TRIQK: variants seen among roughly 807,000 people sequenced by gnomAD.
The protein encoded by TRIQK is triple QxxK/R motif containing.
Under a neutral mutation model 10.8 loss-of-function variants are expected in TRIQK, and 10 were observed. The observed-to-expected ratio is 0.92, with a 90% CI of 0.57 to 1.57. The LOEUF is 1.57. Ranked by LOEUF, TRIQK falls within the 40% of genes most tolerant of loss-of-function variation. The pLI is 0.00. For synonymous variants in TRIQK, 33 were observed against 33.7 expected (o/e 0.98, Z 0.07); for missense variants, 107 against 97.7 (o/e 1.09, Z -0.40).
At chr8:93,009,917 T>A (rs906691131) in intron 1 of TRIQK, among the ~76,000 whole-genome samples, 1 of 151,916 alleles carries the variant, frequency 6.6e-6, no homozygotes, top group African/African-American at 2.4e-5. Context: ...AGTGTAGATA[T>A]ACAATGGTAT....
chr8:92,909,296 CAGG>C (rs1206999788), intron 3 of TRIQK, among the ~76,000 whole-genome samples: 1 of 151,812 alleles, frequency 6.6e-6, no homozygotes, highest in Non-Finnish European at 1.5e-5. Context: ...AGAAATAATC[CAGG>C]AGATTACCAT....
At chr8:92,957,272 A>G (rs1047990745) in intron 1 of TRIQK, among the ~76,000 whole-genome samples, 4 of 151,780 alleles carry the variant, frequency 2.6e-5, no homozygotes, top group Admixed American at 2.6e-4. Context: ...ATATAAATAT[A>G]CATATGCATG....
intron 1 of TRIQK, among the ~76,000 whole-genome samples, chr8:93,001,173 G>A (rs1202568869): frequency 6.6e-6 from 1 of 151,950 alleles, no homozygotes; most frequent in Non-Finnish European, 1.5e-5. Flanking sequence ...GGGGCATGGT[G>A]GCGGGTAGCT....
At chr8:92,901,921 G>A (rs1808961380) in intron 3 of TRIQK, among the ~76,000 whole-genome samples, 3 of 152,156 alleles carry the variant, frequency 2.0e-5, no homozygotes, top group Admixed American at 6.6e-5. Context: ...CTCATTGTTT[G>A]TTATTGTTCT....
At chr8:92,988,243 C>T (rs1055409679) in intron 1 of TRIQK, among the ~76,000 whole-genome samples, 1 of 151,852 alleles carries the variant, frequency 6.6e-6, no homozygotes, top group Non-Finnish European at 1.5e-5. Flanking sequence ...GTCTCAATCT[C>T]CTGATCTCGT....
chr8:92,898,069 G>C (rs1163794025), intron 3 of TRIQK, among the ~76,000 whole-genome samples: 1 of 151,870 alleles, frequency 6.6e-6, no homozygotes, highest in African/African-American at 2.4e-5. Flanking sequence ...TTATTCTTTG[G>C]TCAGTCTCAT....
chr8:93,005,445 G>A (rs1208494543), intron 1 of TRIQK, among the ~76,000 whole-genome samples: 1 of 152,152 alleles, frequency 6.6e-6, no homozygotes, highest in Non-Finnish European at 1.5e-5. Context: ...CAATATAAGA[G>A]TTGGGTGGGG....
intron 1 of TRIQK, among the ~76,000 whole-genome samples, chr8:92,975,081 C>T (rs573729993): frequency 4.3e-4 from 65 of 152,270 alleles, no homozygotes; most frequent in African/African-American, 1.5e-3. Context: ...CCAAGGAACT[C>T]CCACAATCAA....
chr8:92,918,862 A>G (rs897712364), intron 2 of TRIQK, among the ~76,000 whole-genome samples: 4 of 150,872 alleles, frequency 2.7e-5, no homozygotes. Flanking sequence ...TATGTCTTAC[A>G]TTTAAGTCTT....
At chr8:92,964,339 A>AT (rs1812619855) in intron 1 of TRIQK, among the ~76,000 whole-genome samples, 1 of 151,976 alleles carries the variant, frequency 6.6e-6, no homozygotes, top group South Asian at 2.1e-4. Context: ...AAAATTGTGC[A>AT]TTTTTCTGAG....
chr8:92,972,002 T>C (rs2130737847), intron 1 of TRIQK, among the ~76,000 whole-genome samples: 1 of 152,332 alleles, frequency 6.6e-6, no homozygotes, highest in Admixed American at 6.5e-5. Context: ...ATCAACACTT[T>C]TATCATTATG....
rs754629871 is a variant in TRIQK, at chr8:92,895,923, T to TA, written c.62-3850dup. ...ACTCTCAGCCTGGCCATGTAAAGAA[T>TA]AAAAAAAAAGTGTGCTGAGGAGAGA... On this transcript the variant is annotated intron_variant, in intron 3 of 4. Coordinates refer to ENST00000521988, the MANE Select transcript of TRIQK (RefSeq NM_001171797.2). Among the ~76,000 whole-genome samples the TA allele has an allele frequency of 2.1e-3, 309 of 150,264 alleles. 1 individual carries two copies. The highest frequency in any genetic ancestry group is 3.6e-3 in the South Asian group (17 of 4,730).
intron 2 of TRIQK, among the ~76,000 whole-genome samples, chr8:92,917,615 T>C (rs563491924): frequency 6.6e-6 from 1 of 152,112 alleles, no homozygotes; most frequent in Non-Finnish European, 1.5e-5. Flanking sequence ...TATACAATAG[T>C]TGTACCTACT....
At chr8:93,016,408 C>A (rs1440816070) in intron 1 of TRIQK, among the ~76,000 whole-genome samples, 1 of 152,150 alleles carries the variant, frequency 6.6e-6, no homozygotes, top group African/African-American at 2.4e-5. Context: ...ATATAAGATG[C>A]ACATTTGGCT....
intron 2 of TRIQK, among the ~76,000 whole-genome samples, chr8:92,952,115 C>T (rs1193692036): frequency 1.3e-5 from 2 of 151,610 alleles, no homozygotes; most frequent in African/African-American, 4.8e-5. Flanking sequence ...GATACACAAG[C>T]ATCAGAACCA....
chr8:92,903,790 G>T (rs1021610861), intron 3 of TRIQK, among the ~76,000 whole-genome samples: 1 of 152,012 alleles, frequency 6.6e-6, no homozygotes, highest in African/African-American at 2.4e-5. Context: ...TACGTTCAGG[G>T]TGATAACTAA....
At chr8:92,934,803 G>A (rs1483558359) in intron 2 of TRIQK, among the ~76,000 whole-genome samples, 1 of 151,660 alleles carries the variant, frequency 6.6e-6, no homozygotes, top group Admixed American at 6.6e-5. Flanking sequence ...TTTTCCACTA[G>A]AGAAATACAA....
intron 1 of TRIQK, among the ~76,000 whole-genome samples, chr8:92,987,903 C>T (rs1237912436): frequency 6.7e-6 from 1 of 149,572 alleles, no homozygotes; most frequent in African/African-American, 2.5e-5. Flanking sequence ...CATATAGATA[C>T]AAAAGACACA....
intron 3 of TRIQK, among the ~76,000 whole-genome samples, chr8:92,907,894 A>T (rs1809364761): frequency 6.6e-6 from 1 of 152,146 alleles, no homozygotes. Context: ...ATTTAATAAA[A>T]ATAATAACTA....
Sources: allele counts gnomAD v4.1 joint callset (sites outside exome capture counted in the v4.1 genomes callset), GRCh38; gene constraint gnomAD v4.1.1; transcripts MANE v1.5; gene names NCBI Gene and HGNC (gene_info 2026-07-23, HGNC 2026-07-21).